Variants in SLC36A1 observed in about 807,000 individuals in gnomAD.
SLC36A1 encodes the protein proton-coupled amino acid transporter 1.
In SLC36A1, 30 loss-of-function variants were observed where a neutral mutation model predicts 47.5. That is an observed-to-expected ratio of 0.63 (90% CI 0.47 to 0.86). SLC36A1 has a LOEUF of 0.86. Among genes scored for constraint, SLC36A1 ranks in the 40% least tolerant of loss-of-function variants. The probability of loss-of-function intolerance (pLI) is 0.00; values close to 1 mark genes in which losing one functional copy is unlikely to be tolerated. For synonymous variants in SLC36A1, 255 were observed against 249.7 expected, an observed-to-expected ratio of 1.02 and a Z score of -0.20; for missense variants, 517 against 606.0, an observed-to-expected ratio of 0.85 and a Z score of 1.54.
At chr5:151,364,208 A>G in the SLC36A1 span, among the ~76,000 whole-genome samples, 3 of 152,146 alleles carry the variant, frequency 2.0e-5, no homozygotes, top group Non-Finnish European at 4.4e-5. Flanking sequence ...TGCACTCATG[A>G]CCTACCTAGC....
chr5:151,393,345 A>T, the SLC36A1 span, among the ~76,000 whole-genome samples: 3 of 151,946 alleles, frequency 2.0e-5, no homozygotes, highest in East Asian at 5.8e-4. Context: ...ATGGGTCTTG[A>T]CTCTTTATCC....
intron 9 of SLC36A1, among the ~76,000 whole-genome samples, chr5:151,478,249 T>G (rs1400750938): frequency 2.0e-5 from 3 of 152,212 alleles, no homozygotes; most frequent in Admixed American, 2.0e-4. Context: ...GGACAAATGT[T>G]TCTTGCTGTT....
At chr5:151,517,790 C>T in the SLC36A1 span, 25 of 1,613,284 alleles carry the variant, frequency 1.5e-5, no homozygotes, top group South Asian at 2.2e-4. Flanking sequence ...AAAGCTGTCA[C>T]CTCTACTTGA....
intron 2 of SLC36A1, 29 bp downstream of exon 2, chr5:151,458,964 G>C: frequency 6.3e-7 from 1 of 1,584,104 alleles, no homozygotes; most frequent in South Asian, 1.1e-5. Context: ...CTCCTCTCCT[G>C]GGTGGGATTC....
chr5:151,553,955 C>T, the SLC36A1 span, among the ~76,000 whole-genome samples: 2 of 152,184 alleles, frequency 1.3e-5, no homozygotes, highest in Non-Finnish European at 2.9e-5. Flanking sequence ...AGCACCCATG[C>T]GCTAGCTACC....
the SLC36A1 span, among the ~76,000 whole-genome samples, chr5:151,555,524 C>T: frequency 6.6e-6 from 1 of 152,024 alleles, no homozygotes; most frequent in East Asian, 1.9e-4. Flanking sequence ...CACCCGCCAC[C>T]ACACCTGGCT....
chr5:151,476,710 G>A lies in SLC36A1; in HGVS notation c.943G>A (p.Gly315Arg). 6.2e-7 allele frequency: 1 copy of A among 1,613,268 alleles called. No individual in the cohort carries two copies. Among genetic ancestry groups the A allele is most frequent in the Non-Finnish European group, 8.5e-7 (1 of 1,179,542 alleles). ...GGGGTGTCTGGGGTACCTGCAATTT[G>A]GAGCTAATATCCAAGGCAGCATAAC... ...SLGCLGYLQF[G>R]ANIQGSITLN... The change falls in exon 9 of 11, where the codon GGA (glycine) becomes AGA (arginine). Residue 315 changes from glycine to arginine, a missense_variant. Transcript: ENST00000243389.
upstream of SLC36A1, among the ~76,000 whole-genome samples, chr5:151,433,247 TA>T (rs1759513861): frequency 6.9e-5 from 1 of 14,436 alleles, no homozygotes. Flanking sequence ...TATATATATA[TA>T]TATATATATA....
At chr5:151,484,088 A>G (rs151067589) in intron 10 of SLC36A1, among the ~76,000 whole-genome samples, 54 of 152,216 alleles carry the variant, frequency 3.5e-4, no homozygotes, top group African/African-American at 1.2e-3. Context: ...TCTGATCCCA[A>G]TCTTCTGTTT....
chr5:151,375,543 CT>C, the SLC36A1 span, among the ~76,000 whole-genome samples: 2 of 151,304 alleles, frequency 1.3e-5, no homozygotes, highest in African/African-American at 4.9e-5. Flanking sequence ...GCTATTTGGG[CT>C]TTTGGGGGAG....
chr5:151,542,001 A>ACT, the SLC36A1 span, among the ~76,000 whole-genome samples: 1 of 152,240 alleles, frequency 6.6e-6, no homozygotes. Flanking sequence ...CAGCAGTTAG[A>ACT]GTATGACTCA....
the SLC36A1 span, among the ~76,000 whole-genome samples, chr5:151,554,967 C>T: frequency 6.6e-6 from 1 of 152,194 alleles, no homozygotes; most frequent in Non-Finnish European, 1.5e-5. Context: ...AGACTACCTA[C>T]TTTTTACTTG....
At chr5:151,370,705 C>G in the SLC36A1 span, among the ~76,000 whole-genome samples, 3 of 152,234 alleles carry the variant, frequency 2.0e-5, no homozygotes, top group East Asian at 5.8e-4. Flanking sequence ...ATTTAAATTG[C>G]TTCTAGGCTG....
At chr5:151,553,117 A>C in the SLC36A1 span, 50 of 1,522,716 alleles carry the variant, frequency 3.3e-5, no homozygotes, top group Non-Finnish European at 4.1e-5. Flanking sequence ...CAGGAAAACT[A>C]GAGCTGGTGT....
At position 151,467,783 on chromosome 5, in the gene SLC36A1, C is replaced by T. The variant is rs571362914; in HGVS notation, c.581C>T (p.Ser194Leu). The T allele has an allele frequency of 1.9e-5, 31 of 1,614,038 alleles. No homozygotes were observed. The East Asian group carries it at 4.2e-4, about 22-fold the overall frequency. Residue 194 changes from serine (S) to leucine (L), a missense_variant, in exon 7 of 11, where the codon TCG becomes TTG. Transcript: ENST00000243389. ...GTGATTCTGACGCCTACCATGGACTCGCGACTCTACATGCTCTCCTTCCTG... is the reference window on the plus strand; with the variant it reads ...GTGATTCTGACGCCTACCATGGACTTGCGACTCTACATGCTCTCCTTCCTG... ...ETVILTPTMDSRLYMLSFLPF... is the reference protein window; with the variant it reads ...ETVILTPTMDLRLYMLSFLPF...
intron 9 of SLC36A1, among the ~76,000 whole-genome samples, chr5:151,477,751 A>G (rs372885836): frequency 4.6e-5 from 7 of 152,316 alleles, no homozygotes; most frequent in African/African-American, 1.7e-4. Flanking sequence ...TAAATTTCCA[A>G]ATGTTTCTGC....
intron 1 of SLC36A1, among the ~76,000 whole-genome samples, chr5:151,455,117 T>C (rs1754298913): frequency 2.6e-5 from 4 of 152,284 alleles, no homozygotes; most frequent in Admixed American, 2.6e-4. Context: ...TACCCATGTG[T>C]AACATCTAGC....
At chr5:151,382,364 A>C in the SLC36A1 span, 4 of 759,636 alleles carry the variant, frequency 5.3e-6, no homozygotes, top group Non-Finnish European at 6.8e-6. Flanking sequence ...GCCAGCTCAA[A>C]AATATCAAAG....
At chr5:151,415,573 C>A in the SLC36A1 span, among the ~76,000 whole-genome samples, 1 of 152,160 alleles carries the variant, frequency 6.6e-6, no homozygotes, top group Non-Finnish European at 1.5e-5. Context: ...AGCTCTTATC[C>A]TAATTCATAA....
Sources: gnomAD v4.1 joint callset for allele counts (sites outside exome capture counted in the v4.1 genomes callset) on GRCh38, gnomAD v4.1.1 for gene constraint, MANE v1.5 for transcripts, NCBI Gene and HGNC (gene_info 2026-07-23, HGNC 2026-07-21) for gene names.